RYR3: variants seen among roughly 807,000 people sequenced by gnomAD.
RYR3 encodes the protein brain ryanodine receptor-calcium release channel.
A neutral mutation model predicts 584.3 loss-of-function variants in RYR3; 207 were observed. The observed-to-expected ratio is 0.35, with a 90% CI of 0.32 to 0.40. The LOEUF is 0.40. Ranked by LOEUF, RYR3 falls within the 10% of genes least tolerant of loss-of-function variation. The probability of loss-of-function intolerance (pLI) is 1.00; values close to 1 mark genes in which losing one functional copy is unlikely to be tolerated. For synonymous variants in RYR3, 2,416 were observed against 2,248.5 expected (o/e 1.07, Z -2.11); for missense variants, 5,616 against 6,089.2 (o/e 0.92, Z 2.59).
At chr15:33,846,485 C>G (rs1300413767) in intron 93 of RYR3, among the ~76,000 whole-genome samples, 2 of 152,182 alleles carry the variant, frequency 1.3e-5, no homozygotes, top group Non-Finnish European at 2.9e-5. Flanking sequence ...GTGTTTTTCT[C>G]ACTGCTTTTC....
At chr15:33,681,668 T>A (rs1333070787) in intron 38 of RYR3, among the ~76,000 whole-genome samples, 1 of 152,246 alleles carries the variant, frequency 6.6e-6, no homozygotes, top group Non-Finnish European at 1.5e-5. Context: ...CACTTAGAAT[T>A]TAAAAATAAG....
intron 96 of RYR3, 117 bp downstream of exon 96, chr15:33,853,799 T>A: frequency 7.4e-7 from 1 of 1,356,406 alleles, no homozygotes; most frequent in Non-Finnish European, 9.9e-7. Context: ...CTGGCTTAGG[T>A]GTTTCTTCTA....
chr15:33,435,388 C>G (rs933453675), intron 1 of RYR3, among the ~76,000 whole-genome samples: 2 of 152,190 alleles, frequency 1.3e-5, no homozygotes, highest in Admixed American at 6.5e-5. Flanking sequence ...TTCAGCTACT[C>G]TGTGGCATTC....
intron 3 of RYR3, among the ~76,000 whole-genome samples, chr15:33,504,727 C>T (rs1196816127): frequency 6.6e-6 from 1 of 152,210 alleles, no homozygotes; most frequent in Non-Finnish European, 1.5e-5. Flanking sequence ...TGCCCCATCT[C>T]TCACCACATC....
chr15:33,757,645 TA>T, intron 60 of RYR3, 49 bp downstream of exon 60: 1 of 1,583,774 alleles, frequency 6.3e-7, no homozygotes, highest in Admixed American at 1.8e-5. Context: ...GCAATTTACT[TA>T]AAATGCCAGG....
intron 67 of RYR3, among the ~76,000 whole-genome samples, chr15:33,791,913 G>C (rs867851470): frequency 3.4e-4 from 51 of 152,134 alleles, no homozygotes; most frequent in African/African-American, 1.2e-3. Context: ...TAGATAGGAG[G>C]AAGGTAGTGG....
chr15:33,335,899 T>C (rs1468304067), intron 1 of RYR3, among the ~76,000 whole-genome samples: 1 of 152,002 alleles, frequency 6.6e-6, no homozygotes, highest in African/African-American at 2.4e-5. Context: ...AAATTAACCA[T>C]CTAACATAAG....
intron 4 of RYR3, 141 bp from the exon 5 acceptor site, chr15:33,533,170 A>G (rs2055028340): frequency 6.6e-6 from 4 of 602,972 alleles, no homozygotes; most frequent in Non-Finnish European, 1.2e-5. Flanking sequence ...GCATTTACCA[A>G]TTAACTTTCC....
chr15:33,366,482 G>A (rs972925317), intron 1 of RYR3, among the ~76,000 whole-genome samples: 1 of 152,180 alleles, frequency 6.6e-6, no homozygotes, highest in Admixed American at 6.5e-5. Flanking sequence ...AAAAGTATAT[G>A]TGAGGCCCTG....
chr15:33,474,829 C>G (rs1436970922), intron 2 of RYR3, among the ~76,000 whole-genome samples: 1 of 152,190 alleles, frequency 6.6e-6, no homozygotes, highest in Non-Finnish European at 1.5e-5. Context: ...CACCAGATGT[C>G]CAGGGTGATG....
intron 1 of RYR3, among the ~76,000 whole-genome samples, chr15:33,361,067 T>C (rs1974701874): frequency 6.6e-6 from 1 of 152,208 alleles, no homozygotes; most frequent in African/African-American, 2.4e-5. Context: ...TGTGTTCCCC[T>C]CTAGCTGGAG....
chr15:33,514,789 C>G (rs2053355781), intron 3 of RYR3, among the ~76,000 whole-genome samples: 1 of 151,958 alleles, frequency 6.6e-6, no homozygotes, highest in Admixed American at 6.6e-5. Context: ...ATCACGAGGT[C>G]AGGAGATCGA....
intron 101 of RYR3, 35 bp downstream of exon 101, chr15:33,860,694 T>G: frequency 5.0e-6 from 7 of 1,413,406 alleles, no homozygotes; most frequent in Non-Finnish European, 6.9e-6. Context: ...CCAGCTCTAT[T>G]TTAATATCCC....
chr15:33,853,516 G>A (rs1168058099), intron 95 of RYR3, 39 bp from the exon 96 acceptor site: 2 of 1,600,502 alleles, frequency 1.2e-6, no homozygotes, highest in African/African-American at 2.7e-5. Context: ...TTTGGTGGTG[G>A]CGTGTGGCCT....
chr15:33,545,622 T>C (rs2056180776), intron 8 of RYR3, among the ~76,000 whole-genome samples: 1 of 152,164 alleles, frequency 6.6e-6, no homozygotes, highest in African/African-American at 2.4e-5. Context: ...CTAGTCTCAA[T>C]CAAAACAGGA....
At position 33,669,857 on chromosome 15, in the gene RYR3, G is replaced by GGGGGGGGGTGGT. The variant is rs1555401713; in HGVS notation, c.5722+402_5722+403insGGGGGGGTGGTG. ...GTGTGTGTGTGTGGGGGGGGGGGGG[G>GGGGGGGGGTGGT]GTGTGGGTGTGTGGGTGTGTGTGGT... On this transcript the variant is annotated intron_variant, in intron 37 of 103. Transcript: ENST00000634891. Among the ~76,000 whole-genome samples, 4 of 60,252 alleles carry GGGGGGGGGTGGT rather than the reference G, an allele frequency of 6.6e-5. 1 individual carries two copies. The highest frequency in any genetic ancestry group is 1.2e-4 in the Non-Finnish European group (4 of 32,222). 39.5% of individuals were successfully genotyped at this position (60,252 alleles called of 152,430 possible).
In RYR3 at chr15:33,366,505, A is replaced by G. The variant is rs151065664; in HGVS notation, c.51+55409A>G. Among the ~76,000 whole-genome samples the G allele has an allele frequency of 8.5e-3, 1,290 of 152,336 alleles. 20 individuals carry two copies. The highest frequency in any genetic ancestry group is 0.029 in the African/African-American group (1,217 of 41,568). On this transcript the variant is annotated intron_variant, in intron 1 of 103. Coordinates refer to ENST00000634891, the MANE Select transcript of RYR3 (RefSeq NM_001036.6). The stretch of plus-strand genomic sequence containing the variant: ...ATGTGAGGCCCTGCACTTAATTTCA[A>G]AAAGCTAAGAGAACCAGCAGCAGTG...
At chr15:33,483,587 C>T (rs187098600) in intron 2 of RYR3, among the ~76,000 whole-genome samples, 105 of 152,222 alleles carry the variant, frequency 6.9e-4, no homozygotes, top group Admixed American at 2.7e-3. Context: ...TAATGAAAAG[C>T]CTGCAGTATT....
intron 67 of RYR3, among the ~76,000 whole-genome samples, chr15:33,793,783 A>C (rs1163366935): frequency 6.6e-6 from 1 of 151,640 alleles, no homozygotes; most frequent in African/African-American, 2.4e-5. Context: ...ATGGGCAAGA[A>C]ATGGGCCTAG....
Sources: allele counts gnomAD v4.1 joint callset (sites outside exome capture counted in the v4.1 genomes callset), GRCh38; gene constraint gnomAD v4.1.1; transcripts MANE v1.5; gene names NCBI Gene and HGNC (gene_info 2026-07-23, HGNC 2026-07-21).